Variants in MALRD1 observed in about 807,000 individuals in gnomAD.
MALRD1 encodes the protein MAM and LDL receptor class A domain containing 1.
In MALRD1, 247 loss-of-function variants were observed where a neutral mutation model predicts 242.1. That is an observed-to-expected ratio of 1.02 (90% confidence interval 0.92 to 1.13). The LOEUF (loss-of-function observed/expected upper bound fraction) is 1.13. Among genes scored for constraint, MALRD1 ranks in the 50% most tolerant of loss-of-function variants. MALRD1 has a pLI of 0.00. For synonymous variants in MALRD1, 995 were observed against 866.6 expected (o/e 1.15, Z -2.60); for missense variants, 2,989 against 2,533.1 (o/e 1.18, Z -3.86).
intron 33 of MALRD1, among the ~76,000 whole-genome samples, chr10:19,588,930 A>G (rs1487752698): frequency 2.0e-5 from 3 of 152,164 alleles, no homozygotes; most frequent in African/African-American, 4.8e-5. Context: ...GGCATGAGCC[A>G]CCGCGCCCAG....
intron 24 of MALRD1, among the ~76,000 whole-genome samples, chr10:19,340,317 CACTG>C (rs1350772022): frequency 6.6e-6 from 1 of 151,276 alleles, no homozygotes. Context: ...ATTAATTTAT[CACTG>C]ACTGTAGTCA....
intron 33 of MALRD1, among the ~76,000 whole-genome samples, chr10:19,569,757 T>C (rs886454939): frequency 6.8e-6 from 1 of 147,176 alleles, no homozygotes; most frequent in Admixed American, 6.8e-5. Flanking sequence ...TAGAATTCCA[T>C]ATTTATCATT....
Position 19,291,809 on chromosome 10 carries a change from G to GCC in MALRD1, c.3419+8628_3419+8629insCC, listed in dbSNP as rs202001864. Among the ~76,000 whole-genome samples, 1,205 of 152,124 alleles carry GCC rather than the reference G, an allele frequency of 7.9e-3. 8 individuals carry two copies. The highest frequency in any genetic ancestry group is 0.028 in the African/African-American group (1,155 of 41,478). On this transcript the variant is annotated intron_variant, in intron 21 of 39. Transcript: ENST00000454679. ...TAAAAAAAATAAAATTTGTGGGCCA[G>GCC]GTGCAGTGCTTCAACCTGTAATCCC...
chr10:19,372,156 A>G (rs958884364), intron 26 of MALRD1, among the ~76,000 whole-genome samples: 3 of 152,212 alleles, frequency 2.0e-5, no homozygotes, highest in East Asian at 1.9e-4. Flanking sequence ...CTTAAATATA[A>G]CATACTATAT....
At chr10:19,663,440 A>G (rs368017156) in intron 36 of MALRD1, among the ~76,000 whole-genome samples, 2 of 152,078 alleles carry the variant, frequency 1.3e-5, no homozygotes, top group East Asian at 3.9e-4. Context: ...AAGACACTTA[A>G]GTTGATTCCA....
At chr10:19,182,480 A>T (rs36040774) in intron 14 of MALRD1, among the ~76,000 whole-genome samples, 45,312 of 150,440 alleles carry the variant, frequency 0.3, 7,116 homozygotes, top group Admixed American at 0.37. Context: ...GCCCGCCATC[A>T]CGCCCGGCTA....
intron 18 of MALRD1, among the ~76,000 whole-genome samples, chr10:19,247,955 T>A (rs1421216793): frequency 6.6e-6 from 1 of 151,990 alleles, no homozygotes; most frequent in Non-Finnish European, 1.5e-5. Context: ...CAGGCAGTAT[T>A]TGTAGACAGA....
At chr10:19,139,421 A>G (rs1390453724) in intron 10 of MALRD1, among the ~76,000 whole-genome samples, 5 of 152,228 alleles carry the variant, frequency 3.3e-5, no homozygotes, top group African/African-American at 9.6e-5. Flanking sequence ...AGCACAAGAA[A>G]AATACCTTTA....
intron 32 of MALRD1, 85 bp from the exon 33 acceptor site, chr10:19,567,417 G>C (rs1480612424): frequency 1.7e-6 from 2 of 1,177,474 alleles, no homozygotes; most frequent in Admixed American, 4.4e-5. Context: ...CATAGCCAGA[G>C]ATTTCATTCT....
chr10:19,221,502 T>A (rs1358201865), intron 18 of MALRD1, among the ~76,000 whole-genome samples: 1 of 152,146 alleles, frequency 6.6e-6, no homozygotes, highest in Admixed American at 6.6e-5. Flanking sequence ...TCTACCATCT[T>A]GAGCTGAATT....
At chr10:19,065,783 A>G (rs1284645937) in intron 1 of MALRD1, among the ~76,000 whole-genome samples, 1 of 152,148 alleles carries the variant, frequency 6.6e-6, no homozygotes, top group Non-Finnish European at 1.5e-5. Flanking sequence ...AAATGTCTTT[A>G]TTGTGATTGA....
At chr10:19,054,832 G>T (rs1221844915) in intron 1 of MALRD1, among the ~76,000 whole-genome samples, 2 of 152,064 alleles carry the variant, frequency 1.3e-5, no homozygotes, top group Non-Finnish European at 2.9e-5. Context: ...CTACATCTTG[G>T]CGATTGTGAA....
At chr10:19,138,949 A>G (rs1001528974) in intron 10 of MALRD1, among the ~76,000 whole-genome samples, 1 of 152,192 alleles carries the variant, frequency 6.6e-6, no homozygotes, top group Non-Finnish European at 1.5e-5. Flanking sequence ...TGTGTTTCTC[A>G]ACAAAAACAG....
intron 18 of MALRD1, among the ~76,000 whole-genome samples, chr10:19,235,831 T>A (rs906208518): frequency 6.6e-6 from 1 of 150,952 alleles, no homozygotes; most frequent in Non-Finnish European, 1.5e-5. Flanking sequence ...GGAGAGGGAG[T>A]TTTAGGGGGA....
chr10:19,176,763 C>T (rs1835268403), intron 14 of MALRD1, among the ~76,000 whole-genome samples: 1 of 151,996 alleles, frequency 6.6e-6, no homozygotes, highest in Non-Finnish European at 1.5e-5. Context: ...AAGCTCTGCG[C>T]ATGTGTTCAT....
intron 19 of MALRD1, among the ~76,000 whole-genome samples, chr10:19,278,861 A>G (rs775057356): frequency 2.6e-5 from 4 of 152,188 alleles, no homozygotes; most frequent in African/African-American, 4.8e-5. Flanking sequence ...GCAAATTAAC[A>G]TAAGCAAATT....
chr10:19,142,617 T>C (rs1833590423), intron 10 of MALRD1, among the ~76,000 whole-genome samples: 1 of 152,174 alleles, frequency 6.6e-6, no homozygotes, highest in African/African-American at 2.4e-5. Context: ...CATACTGCGC[T>C]TAGAGATGGT....
At chr10:19,435,520 T>G (rs888920337) in intron 28 of MALRD1, among the ~76,000 whole-genome samples, 9 of 152,164 alleles carry the variant, frequency 5.9e-5, no homozygotes, top group Non-Finnish European at 1.2e-4. Context: ...GGCATACTGA[T>G]CAGGTATTTT....
intron 21 of MALRD1, among the ~76,000 whole-genome samples, chr10:19,322,847 A>G (rs1842959032): frequency 6.6e-6 from 1 of 152,242 alleles, no homozygotes; most frequent in East Asian, 1.9e-4. Flanking sequence ...TGTAGTTTCT[A>G]GCATCTATAT....
Sources: allele counts gnomAD v4.1 joint callset (sites outside exome capture counted in the v4.1 genomes callset), GRCh38; gene constraint gnomAD v4.1.1; transcripts MANE v1.5; gene names NCBI Gene and HGNC (gene_info 2026-07-23, HGNC 2026-07-21).